Variants in NRG1 observed in about 807,000 individuals in gnomAD.
NRG1 encodes pro-neuregulin-1, membrane-bound isoform.
NRG1 carries 18 observed loss-of-function variants against 63.8 expected under a neutral mutation model. That is an observed-to-expected ratio of 0.28 (90% CI 0.19 to 0.42). NRG1 has a LOEUF of 0.42. NRG1 is among the 10% of genes least tolerant of loss of function. NRG1 has a pLI of 1.00. For missense variants in NRG1, 762 were observed against 814.7 expected (o/e 0.94, Z 0.79); for synonymous variants, 302 against 301.3 (o/e 1.00, Z -0.02).
chr8:32,253,107 G>A (rs534958900), intron 1 of NRG1, among the ~76,000 whole-genome samples: 6 of 152,230 alleles, frequency 3.9e-5, no homozygotes, highest in South Asian at 4.1e-4. Context: ...TGAGAAGATG[G>A]GGTTTTCTAA....
chr8:31,805,648 G>A (rs888657272), intron 1 of NRG1, among the ~76,000 whole-genome samples: 2 of 151,926 alleles, frequency 1.3e-5, no homozygotes, highest in Non-Finnish European at 2.9e-5. Context: ...CTTACACGGT[G>A]AAACGCCGTG....
chr8:32,626,357 GT>G (rs145290390), intron 5 of NRG1, among the ~76,000 whole-genome samples: 14,702 of 142,012 alleles, frequency 0.1, 874 homozygotes, highest in Non-Finnish European at 0.14. Flanking sequence ...TTCAAATTAA[GT>G]TTTTTTTTTT....
At chr8:31,903,915 C>T (rs1832307981) in intron 1 of NRG1, among the ~76,000 whole-genome samples, 1 of 152,074 alleles carries the variant, frequency 6.6e-6, no homozygotes, top group African/African-American at 2.4e-5. Flanking sequence ...CACACCACTG[C>T]ACTCCAGCCT....
intron 1 of NRG1, among the ~76,000 whole-genome samples, chr8:31,890,070 G>A (rs2129613807): frequency 6.6e-6 from 1 of 152,298 alleles, no homozygotes; most frequent in Middle Eastern, 3.4e-3. Flanking sequence ...ATTGCAGGAT[G>A]TTAAGTAGCA....
At chr8:31,702,325 C>T (rs1184594590) in intron 1 of NRG1, among the ~76,000 whole-genome samples, 3 of 152,166 alleles carry the variant, frequency 2.0e-5, no homozygotes, top group Non-Finnish European at 4.4e-5. Context: ...TCACGCACCT[C>T]ATGGAATTCC....
rs574206545 is a variant in NRG1 at position 31,825,233 on chromosome 8, C to A, written c.37+185802C>A. Among the ~76,000 whole-genome samples, 4 of 152,044 alleles carry A rather than the reference C, an allele frequency of 2.6e-5. No homozygotes were observed. The East Asian group carries it at 5.8e-4, about 22-fold the overall frequency. On this transcript the variant is annotated intron_variant, in intron 1 of 10. Coordinates refer to the NRG1 transcript ENST00000519301. Reference sequence around the variant, plus strand: ...TGAAACCCCTTCTCTACTAAAAATACAAAAACTAGCCGGGTGTGGTGGCGG... The same window carrying A: ...TGAAACCCCTTCTCTACTAAAAATAAAAAAACTAGCCGGGTGTGGTGGCGG...
rs1803549322 is a variant in NRG1 at position 31,639,762 on chromosome 8, T to C, written c.37+331T>C. The C allele has an allele frequency of 2.2e-6, 3 of 1,345,470 alleles. No individual in the cohort carries two copies. In the South Asian group the frequency reaches 5.1e-5, roughly 23 times the overall value. The allele number at this position is 1,345,470 out of a possible 1,614,324, so 83.3% of individuals were successfully genotyped here. On this transcript the variant is annotated intron_variant, in intron 1 of 10. Transcript: ENST00000519301. ...TTTTCTATTTTGCCTTTTTTTTTTTTGCCCTTATACCTCTTCGCCTTTCTG... is the reference window on the plus strand; with the variant it reads ...TTTTCTATTTTGCCTTTTTTTTTTTCGCCCTTATACCTCTTCGCCTTTCTG...
At chr8:32,615,979 A>G (rs1219873351) in intron 4 of NRG1, among the ~76,000 whole-genome samples, 1 of 152,106 alleles carries the variant, frequency 6.6e-6, no homozygotes, top group African/African-American at 2.4e-5. Context: ...TGCCATTAGG[A>G]AAAAAAGAGC....
At chr8:31,696,467 CTT>C (rs969744931) in intron 1 of NRG1, among the ~76,000 whole-genome samples, 1 of 152,188 alleles carries the variant, frequency 6.6e-6, no homozygotes, top group Non-Finnish European at 1.5e-5. Context: ...GGGAAAAAAA[CTT>C]TACCCGGTGA....
intron 1 of NRG1, among the ~76,000 whole-genome samples, chr8:32,381,219 G>A (rs574241272): frequency 1.3e-5 from 2 of 152,224 alleles, no homozygotes; most frequent in African/African-American, 2.4e-5. Context: ...CAAGGTAACT[G>A]TTTCCTCTAC....
intron 1 of NRG1, among the ~76,000 whole-genome samples, chr8:32,035,988 T>A (rs951474969): frequency 6.6e-6 from 1 of 152,198 alleles, no homozygotes; most frequent in Non-Finnish European, 1.5e-5. Flanking sequence ...GCTAGCTGGT[T>A]ATTTGCAGAC....
In NRG1 at chr8:31,832,024, G is replaced by A. The variant is rs1034881420; in HGVS notation, c.37+192593G>A. 3.9e-5 allele frequency among the ~76,000 whole-genome samples: 6 copies of A among 152,090 alleles called. No individual in the cohort carries two copies. The East Asian group carries it at 1.2e-3, about 29-fold the overall frequency. On this transcript the variant is annotated intron_variant, in intron 1 of 10. Coordinates refer to the NRG1 transcript ENST00000519301. ...CACCTTAGCACGTCTGTACACACCT[G>A]CCTTTGGTATAACTTGAAAGACAGC... is the stretch of plus-strand genomic sequence containing the variant.
At chr8:31,840,179 A>G (rs546079130) in intron 1 of NRG1, among the ~76,000 whole-genome samples, 7 of 152,248 alleles carry the variant, frequency 4.6e-5, no homozygotes, top group African/African-American at 1.4e-4. Context: ...GGGCAAAATG[A>G]CTTACACCAA....
At chr8:32,581,610 T>G (rs771584249) in intron 1 of NRG1, among the ~76,000 whole-genome samples, 4 of 152,114 alleles carry the variant, frequency 2.6e-5, no homozygotes, top group Non-Finnish European at 5.9e-5. Context: ...ATAAAATACC[T>G]TATATTAAAT....
intron 1 of NRG1, among the ~76,000 whole-genome samples, chr8:32,114,804 T>C (rs1168552288): frequency 1.3e-5 from 2 of 152,190 alleles, no homozygotes; most frequent in Non-Finnish European, 2.9e-5. Flanking sequence ...TATCTCATGA[T>C]GGTTTTATAG....
chr8:32,492,279 G>T (rs879623313), intron 1 of NRG1, among the ~76,000 whole-genome samples: 7 of 152,180 alleles, frequency 4.6e-5, no homozygotes, highest in Admixed American at 2.6e-4. Flanking sequence ...TCACAGCACT[G>T]GATTAGGAGG....
intron 1 of NRG1, among the ~76,000 whole-genome samples, chr8:32,187,335 T>G (rs946478472): frequency 6.6e-6 from 1 of 152,192 alleles, no homozygotes; most frequent in African/African-American, 2.4e-5. Flanking sequence ...GCATGCATGG[T>G]GTGTTAAATG....
intron 1 of NRG1, among the ~76,000 whole-genome samples, chr8:32,308,707 T>C (rs568500922): frequency 1.1e-4 from 16 of 152,280 alleles, no homozygotes; most frequent in African/African-American, 3.6e-4. Flanking sequence ...GTCCCCGGCC[T>C]TTACAAATGA....
At chr8:32,179,325 C>T (rs765545935) in intron 1 of NRG1, among the ~76,000 whole-genome samples, 3 of 151,592 alleles carry the variant, frequency 2.0e-5, no homozygotes, top group Non-Finnish European at 2.9e-5. Context: ...TCCCTGACAA[C>T]AACACATCCA....
Sources: gnomAD v4.1 joint callset for allele counts (sites outside exome capture counted in the v4.1 genomes callset) on GRCh38, gnomAD v4.1.1 for gene constraint, MANE v1.5 for transcripts, NCBI Gene and HGNC (gene_info 2026-07-23, HGNC 2026-07-21) for gene names.